KAZN: variants seen among roughly 807,000 people sequenced by gnomAD.
The protein encoded by KAZN is kazrin.
Under a neutral mutation model 87.4 loss-of-function variants are expected in KAZN, and 40 were observed. That is an observed-to-expected ratio of 0.46 (90% CI 0.36 to 0.60). The LOEUF (loss-of-function observed/expected upper bound fraction) is 0.60, where lower values mean the gene tolerates loss of function less well. Among genes scored for constraint, KAZN ranks in the 20% least tolerant of loss-of-function variants. The probability of loss-of-function intolerance (pLI) is 0.00; values close to 1 mark genes in which losing one functional copy is unlikely to be tolerated. For missense variants in KAZN, 898 were observed against 1,073.9 expected (o/e 0.84, Z 2.29); for synonymous variants, 466 against 458.3 (o/e 1.02, Z -0.22).
chr1:14,728,284 A>C, intron 1 of KAZN, among the ~76,000 whole-genome samples: 1 of 95,878 alleles, frequency 1.0e-5, no homozygotes, highest in African/African-American at 4.6e-5. Context: ...GAAACACCGT[A>C]TATATAAAAA....
At chr1:14,112,983 G>A (rs955924264) in intron 1 of KAZN, among the ~76,000 whole-genome samples, 4 of 152,212 alleles carry the variant, frequency 2.6e-5, no homozygotes, top group Admixed American at 2.0e-4. Context: ...GCTTTGATGG[G>A]CAAAGACTTT....
chr1:14,790,879 A>T (rs964937711), intron 1 of KAZN, among the ~76,000 whole-genome samples: 8 of 152,094 alleles, frequency 5.3e-5, no homozygotes, highest in Non-Finnish European at 8.8e-5. Flanking sequence ...TTTAATAGAG[A>T]TGGGGTTTCA....
At chr1:15,010,386 CTTTTTTTT>C in intron 2 of KAZN, among the ~76,000 whole-genome samples, 1 of 78,210 alleles carries the variant, frequency 1.3e-5, no homozygotes. Flanking sequence ...GGTTGTCTTG[CTTTTTTTT>C]TTTTTTTTTT....
At chr1:14,595,093 A>C (rs561239204), upstream of KAZN, among the ~76,000 whole-genome samples, 10 of 152,010 alleles carry the variant, frequency 6.6e-5, no homozygotes, top group African/African-American at 2.4e-4. Flanking sequence ...GCAGTGAGCC[A>C]AGATCACACC....
chr1:14,484,219 C>G (rs1669231586), intron 2 of KAZN, among the ~76,000 whole-genome samples: 1 of 152,152 alleles, frequency 6.6e-6, no homozygotes, highest in Admixed American at 6.5e-5. Flanking sequence ...GTTTGGCTCT[C>G]TTTGCTCAAG....
chr1:14,609,206 G>C (rs534626810), intron 1 of KAZN, among the ~76,000 whole-genome samples: 2 of 152,326 alleles, frequency 1.3e-5, no homozygotes, highest in Admixed American at 1.3e-4. Flanking sequence ...ACTATTCAGT[G>C]CATCTTGAGA....
chr1:14,555,512 A>G (rs1196700821), intron 2 of KAZN, among the ~76,000 whole-genome samples: 1 of 152,214 alleles, frequency 6.6e-6, no homozygotes, highest in Non-Finnish European at 1.5e-5. Flanking sequence ...TAGAAATTAC[A>G]TTGAATCTAC....
intron 2 of KAZN, among the ~76,000 whole-genome samples, chr1:14,351,279 A>C (rs1330977085): frequency 6.6e-6 from 1 of 152,224 alleles, no homozygotes; most frequent in African/African-American, 2.4e-5. Context: ...CTAAAATAAT[A>C]ATCAGGCCAG....
At chr1:14,569,750 C>T (rs1257297604) in intron 2 of KAZN, among the ~76,000 whole-genome samples, 4 of 152,170 alleles carry the variant, frequency 2.6e-5, no homozygotes, top group Admixed American at 2.6e-4. Context: ...GCATCCTTAG[C>T]TCTGGCAACT....
chr1:14,049,344 A>G (rs1209018484), intron 1 of KAZN, among the ~76,000 whole-genome samples: 2 of 152,192 alleles, frequency 1.3e-5, no homozygotes. Flanking sequence ...GAGGGATAGC[A>G]TTAGGAGGTA....
At chr1:14,384,309 C>G (rs1571469847) in intron 2 of KAZN, among the ~76,000 whole-genome samples, 1 of 152,048 alleles carries the variant, frequency 6.6e-6, no homozygotes, top group Non-Finnish European at 1.5e-5. Flanking sequence ...CCCTTTATTT[C>G]CTTCTCCTGC....
chr1:14,868,321 A>T (rs1284337526), intron 1 of KAZN, among the ~76,000 whole-genome samples: 1 of 152,166 alleles, frequency 6.6e-6, no homozygotes, highest in Non-Finnish European at 1.5e-5. Context: ...TGTCTTTACT[A>T]CTAATTGCTA....
At chr1:15,051,096 T>A (rs117384807) in intron 4 of KAZN, among the ~76,000 whole-genome samples, 1,839 of 152,352 alleles carry the variant, frequency 0.012, 23 homozygotes, top group South Asian at 0.042. Flanking sequence ...AGCACCAGCC[T>A]TCCGATGTCT....
intron 2 of KAZN, among the ~76,000 whole-genome samples, chr1:14,243,674 A>G (rs546678736): frequency 1.3e-5 from 2 of 152,318 alleles, no homozygotes; most frequent in Non-Finnish European, 2.9e-5. Flanking sequence ...CCAAACAAAT[A>G]AATAATAAAA....
chr1:14,594,809 G>C (rs1676391271), upstream of KAZN, among the ~76,000 whole-genome samples: 1 of 152,124 alleles, frequency 6.6e-6, no homozygotes, highest in African/African-American at 2.4e-5. Context: ...ACAGGCAAAT[G>C]GGCTTGCAGG....
chr1:14,172,274 G>A (rs769934535), intron 1 of KAZN, among the ~76,000 whole-genome samples: 2 of 152,194 alleles, frequency 1.3e-5, no homozygotes, highest in African/African-American at 2.4e-5. Context: ...TAGTTGAAAT[G>A]TCTATAGGCC....
At chr1:14,203,404 A>G (rs2100416875) in intron 2 of KAZN, among the ~76,000 whole-genome samples, 1 of 152,296 alleles carries the variant, frequency 6.6e-6, no homozygotes, top group East Asian at 1.9e-4. Flanking sequence ...TACATTACCC[A>G]ACAGTTGCTA....
intron 3 of KAZN, among the ~76,000 whole-genome samples, chr1:15,040,274 G>A (rs1426086035): frequency 6.6e-6 from 1 of 152,236 alleles, no homozygotes; most frequent in Non-Finnish European, 1.5e-5. Flanking sequence ...GGAACAGGAT[G>A]ACTGGAACCC....
chr1:14,993,074 A>T (rs569257691), intron 2 of KAZN, among the ~76,000 whole-genome samples: 5 of 145,570 alleles, frequency 3.4e-5, no homozygotes, highest in Non-Finnish European at 7.6e-5. Context: ...CAATTTGCCC[A>T]CCTCGACCTC....
Sources: allele counts gnomAD v4.1 joint callset (sites outside exome capture counted in the v4.1 genomes callset), GRCh38; gene constraint gnomAD v4.1.1; transcripts MANE v1.5; gene names NCBI Gene and HGNC (gene_info 2026-07-23, HGNC 2026-07-21).